The following ANK3 variants were observed in gnomAD, a reference collection of about 807,000 sequenced individuals.
ANK3 encodes ankyrin-3.
ANK3 carries 57 observed loss-of-function variants against 370.9 expected under a neutral mutation model. That is an observed-to-expected ratio of 0.15 (90% CI 0.12 to 0.19). ANK3 has a LOEUF of 0.19. Ranked by LOEUF, ANK3 falls within the 10% of genes least tolerant of loss-of-function variation. ANK3 has a pLI of 1.00. For synonymous variants in ANK3, 1,929 were observed against 1,946.3 expected (o/e 0.99, Z 0.23); for missense variants, 4,439 against 5,302.1 (o/e 0.84, Z 5.06).
rs146892987 is a variant in ANK3 at position 60,386,897 on chromosome 10, C to T, written c.114+2528G>A. On this transcript the variant is annotated intron_variant, in intron 1 of 43. Transcript: ENST00000280772. ...GCTCCTGGCCCGGTGTGGTGGCTCACGCCTGTAATCCTAGCACTTTGGGAG... is the reference window on the plus strand; with the variant it reads ...GCTCCTGGCCCGGTGTGGTGGCTCATGCCTGTAATCCTAGCACTTTGGGAG... 5.0e-3 allele frequency among the ~76,000 whole-genome samples: 759 copies of T among 152,270 alleles called. 4 individuals are homozygous for T. The highest frequency in any genetic ancestry group is 0.018 in the African/African-American group (737 of 41,558).
chr10:60,652,297 G>A (rs998820419), intron 1 of ANK3, among the ~76,000 whole-genome samples: 4 of 152,078 alleles, frequency 2.6e-5, no homozygotes, highest in African/African-American at 7.2e-5. Context: ...AGCTACTCAG[G>A]TGGCTGAGCT....
chr10:60,479,648 G>A (rs2075159874), intron 2 of ANK3, among the ~76,000 whole-genome samples: 2 of 151,756 alleles, frequency 1.3e-5, no homozygotes, highest in Admixed American at 1.3e-4. Context: ...TTTACTATGA[G>A]GCTATCATGA....
At chr10:60,030,214 CT>C (rs2073109583) in intron 43 of ANK3, among the ~76,000 whole-genome samples, 1 of 152,088 alleles carries the variant, frequency 6.6e-6, no homozygotes, top group Non-Finnish European at 1.5e-5. Flanking sequence ...CCGAAATTGG[CT>C]CACTGCAAGC....
chr10:60,360,439 T>C (rs1275214206), intron 1 of ANK3, among the ~76,000 whole-genome samples: 2 of 152,234 alleles, frequency 1.3e-5, no homozygotes, highest in East Asian at 1.9e-4. Flanking sequence ...CCTGGAGCGT[T>C]GGCTCATGCC....
intron 35 of ANK3, among the ~76,000 whole-genome samples, chr10:60,081,051 T>G (rs1485184881): frequency 6.8e-6 from 1 of 147,934 alleles, no homozygotes; most frequent in Non-Finnish European, 1.5e-5. Context: ...TGAAAACAGA[T>G]GAATGGTTTT....
intron 1 of ANK3, among the ~76,000 whole-genome samples, chr10:60,386,790 T>A (rs1375611019): frequency 6.6e-6 from 1 of 152,158 alleles, no homozygotes; most frequent in Non-Finnish European, 1.5e-5. Flanking sequence ...ATGGACCAAA[T>A]TCCTTATTTT....
intron 2 of ANK3, among the ~76,000 whole-genome samples, chr10:60,488,120 G>A (rs56164449): frequency 0.1 from 15,580 of 152,180 alleles, 871 homozygotes; most frequent in South Asian, 0.17. Flanking sequence ...AAAAAGAGGT[G>A]TACAGAGGGT....
At chr10:60,650,574 A>G (rs1459388291) in intron 1 of ANK3, among the ~76,000 whole-genome samples, 4 of 152,210 alleles carry the variant, frequency 2.6e-5, no homozygotes, top group African/African-American at 9.6e-5. Flanking sequence ...TAATTGTGAC[A>G]ATCCTCTGGC....
At chr10:60,299,091 C>T (rs1369244909) in intron 1 of ANK3, among the ~76,000 whole-genome samples, 3 of 152,126 alleles carry the variant, frequency 2.0e-5, no homozygotes, top group Non-Finnish European at 4.4e-5. Flanking sequence ...GGCATTCATG[C>T]ACAATCTTAT....
chr10:60,492,470 G>A (rs1469434105), intron 2 of ANK3, among the ~76,000 whole-genome samples: 1 of 152,062 alleles, frequency 6.6e-6, no homozygotes, highest in Non-Finnish European at 1.5e-5. Flanking sequence ...CACTTTGGGA[G>A]GCTGAGGTGG....
rs182236652 is a variant in ANK3 at position 60,051,785 on chromosome 10, A to G, written c.13065+3873T>C. Among the ~76,000 whole-genome samples the G allele has an allele frequency of 6.0e-3, 887 of 148,266 alleles. 10 individuals carry two copies. The highest frequency in any genetic ancestry group is 0.021 in the African/African-American group (851 of 40,450). ...GATTCTAAGTGAAATTACTCTGTGC[A>G]TGTGTGTGTGTGTGTGTGTGTACAG... On this transcript the variant is annotated intron_variant, in intron 42 of 43. Transcript: ENST00000280772.
intron 25 of ANK3, among the ~76,000 whole-genome samples, chr10:60,124,333 A>T (rs1016059891): frequency 1.4e-5 from 2 of 138,214 alleles, no homozygotes; most frequent in African/African-American, 5.3e-5. Flanking sequence ...AGCTGATTTT[A>T]TTTTATTTTT....
intron 28 of ANK3, among the ~76,000 whole-genome samples, chr10:60,098,447 G>A (rs1470415720): frequency 1.3e-5 from 2 of 152,076 alleles, no homozygotes; most frequent in Non-Finnish European, 2.9e-5. Flanking sequence ...TTCAACTCTA[G>A]TTATAGAATA....
Position 60,208,168 on chromosome 10 carries a change from G to C in ANK3, c.1062C>G (p.Leu354=), listed in dbSNP as rs769360600. The change falls in exon 10 of 44, where the codon CTC becomes CTG. Residue 354 remains leucine (L), a synonymous_variant. Coordinates refer to ENST00000280772, the MANE Select transcript of ANK3 (RefSeq NM_020987.5). ...CATCATCCACGGGTACATTATGCTG[G>C]AGGAGAAGCTGGACGCAGTTTAAAT... is the stretch of plus-strand genomic sequence containing the variant. ...GDHLNCVQLL[L]QHNVPVDDVT... is the part of the protein sequence containing the mutation. 1 of 1,614,024 alleles carries C rather than the reference G, an allele frequency of 6.2e-7. No individual in the cohort carries two copies. Among genetic ancestry groups the C allele is most frequent in the Non-Finnish European group, 8.5e-7 (1 of 1,180,006 alleles).
chr10:60,198,531 G>T lies in ANK3; in HGVS notation c.1498C>A (p.Gln500Lys). Residue 500 changes from glutamine (Q) to lysine (K), a missense_variant, in exon 14 of 44, where the codon CAA (glutamine) becomes AAA (lysine). By Grantham distance (53) the Gln-to-Lys change is moderately conservative. Coordinates refer to ENST00000280772, the MANE Select transcript of ANK3 (RefSeq NM_020987.5). ...CGGGCTGAAATGTGGAGTGGTGTTT[G>T]GTCATCCTAAACAGCAAGGTAGAAA... Reference protein sequence around the residue: ...AQVEAKAKDDQTPLHISARLG... With the variant: ...AQVEAKAKDDKTPLHISARLG... 1.9e-6 allele frequency: 3 copies of T among 1,613,946 alleles called. No individual in the cohort carries two copies. The highest frequency in any genetic ancestry group is 2.5e-6 in the Non-Finnish European group (3 of 1,179,856).
intron 23 of ANK3, among the ~76,000 whole-genome samples, chr10:60,153,052 AC>A (rs1399892443): frequency 1.3e-5 from 2 of 152,190 alleles, no homozygotes; most frequent in African/African-American, 4.8e-5. Context: ...AACAGTTCAA[AC>A]TTGAAACAAC....
At chr10:60,210,648 A>C (rs1228233786) in intron 9 of ANK3, among the ~76,000 whole-genome samples, 2 of 152,340 alleles carry the variant, frequency 1.3e-5, no homozygotes, top group South Asian at 2.1e-4. Context: ...ACCAAAAAGC[A>C]GTAATGGATT....
chr10:60,443,259 GA>G (rs2064345657), intron 2 of ANK3, among the ~76,000 whole-genome samples: 1 of 152,092 alleles, frequency 6.6e-6, no homozygotes, highest in Non-Finnish European at 1.5e-5. Context: ...ATAAAGGTGG[GA>G]AAACATAAAG....
At chr10:60,180,097 T>C (rs1176949957) in intron 18 of ANK3, among the ~76,000 whole-genome samples, 2 of 152,190 alleles carry the variant, frequency 1.3e-5, no homozygotes, top group Admixed American at 1.3e-4. Flanking sequence ...CCGATGAAAG[T>C]ATTCAAGCAG....
Sources: allele counts gnomAD v4.1 joint callset (sites outside exome capture counted in the v4.1 genomes callset), GRCh38; gene constraint gnomAD v4.1.1; transcripts MANE v1.5; gene names NCBI Gene and HGNC (gene_info 2026-07-23, HGNC 2026-07-21).